The following ABRAXAS1 variants were observed in gnomAD, a reference collection of about 807,000 sequenced individuals.
ABRAXAS1 encodes the protein BRCA1-A complex subunit Abraxas 1.
Under a neutral mutation model 38.4 loss-of-function variants are expected in ABRAXAS1, and 26 were observed. The ratio of observed to expected loss-of-function variants is 0.68; its 90% confidence interval spans 0.50 to 0.94. The LOEUF (loss-of-function observed/expected upper bound fraction) is 0.94, where lower values mean the gene tolerates loss of function less well. Ranked by LOEUF, ABRAXAS1 falls within the 40% of genes least tolerant of loss-of-function variation. The pLI is 0.00. For missense variants in ABRAXAS1, 438 were observed against 481.9 expected (o/e 0.91, Z 0.85); for synonymous variants, 144 against 165.5 (o/e 0.87, Z 1.00).
At chr4:83,484,740 G>A in intron 1 of ABRAXAS1, 2 of 385,908 alleles carry the variant, frequency 5.2e-6, no homozygotes, top group South Asian at 1.2e-4. Flanking sequence ...GGAGCGTGTG[G>A]GACACTTGGG....
intron 2 of ABRAXAS1, chr4:83,477,779 T>C (rs1016111994): frequency 2.8e-6 from 2 of 724,600 alleles, no homozygotes; most frequent in African/African-American, 3.5e-5. Context: ...TGCTCCTGTT[T>C]TGCAAAGACA....
At position 83,470,315 on chromosome 4, in the gene ABRAXAS1, G is replaced by A. The variant is rs137876115; in HGVS notation, c.364C>T (p.Gln122Ter). 82 of 1,613,710 alleles carry A rather than the reference G, an allele frequency of 5.1e-5. No individual in the cohort carries two copies. Among genetic ancestry groups the A allele is most frequent in the Non-Finnish European group, 6.9e-5 (81 of 1,179,832 alleles). Residue 122 changes from glutamine to a stop codon, truncating the protein, a stop_gained, in exon 5 of 9, where the codon CAG becomes TAG. Transcript: ENST00000321945. LOFTEE classifies it high-confidence loss of function. ...FRERLLHKNL[Q>*]EHFSNQDLVF... ...AGGTCTTGGTTTGAAAAATGCTCCT[G>A]CAAGTTTTTGTGAAGCAGCCTCTCT...
chr4:83,471,454 C>G (rs1053434467), intron 4 of ABRAXAS1, among the ~76,000 whole-genome samples: 1 of 151,906 alleles, frequency 6.6e-6, no homozygotes, highest in South Asian at 2.1e-4. Flanking sequence ...GTGATCCGCC[C>G]TCCGCAGCCT....
intron 3 of ABRAXAS1, among the ~76,000 whole-genome samples, chr4:83,473,651 TG>T (rs1722662390): frequency 6.6e-6 from 1 of 151,872 alleles, no homozygotes; most frequent in Non-Finnish European, 1.5e-5. Flanking sequence ...TCCCTAGTAA[TG>T]GGGACTACAG....
chr4:83,478,112 A>G, intron 2 of ABRAXAS1: 1 of 818,880 alleles, frequency 1.2e-6, no homozygotes, highest in Non-Finnish European at 2.1e-6. Context: ...TGATTTTACT[A>G]AGAAGCACTT....
chr4:83,484,802 A>C, intron 1 of ABRAXAS1, 184 bp downstream of exon 1: 2 of 471,054 alleles, frequency 4.2e-6, no homozygotes, highest in East Asian at 7.1e-5. Context: ...ATGCTGGAGA[A>C]GACTTCGTGG....
chr4:83,476,437 A>G (rs17352803), intron 3 of ABRAXAS1, among the ~76,000 whole-genome samples: 1 of 152,004 alleles, frequency 6.6e-6, no homozygotes, highest in African/African-American at 2.4e-5. Flanking sequence ...GAAGATCAGC[A>G]TTAAGTAATA....
intron 1 of ABRAXAS1, chr4:83,484,194 A>C: frequency 2.0e-6 from 2 of 985,160 alleles, no homozygotes; most frequent in Non-Finnish European, 2.4e-6. Flanking sequence ...TGAGTAAAAT[A>C]GACGTTATAT....
At chr4:83,468,699 C>T (rs1363074109) in intron 6 of ABRAXAS1, among the ~76,000 whole-genome samples, 1 of 152,086 alleles carries the variant, frequency 6.6e-6, no homozygotes, top group Non-Finnish European at 1.5e-5. Flanking sequence ...CCTCCCAGTA[C>T]TATTTTTTTA....
In ABRAXAS1 at chr4:83,462,804, T is replaced by C. The variant is rs143012786; in HGVS notation, c.895A>G (p.Met299Val). 6.2e-7 allele frequency: 1 copy of C among 1,613,486 alleles called. No homozygotes were observed. Among genetic ancestry groups the C allele is most frequent in the Non-Finnish European group, 8.5e-7 (1 of 1,179,794 alleles). The change falls in exon 9 of 9, where the codon ATG becomes GTG. Residue 299 changes from methionine to valine, a missense_variant. Physicochemically the swap from Met to Val is conservative, Grantham distance 21 (BLOSUM62 1). This residue lies in a region of ABRAXAS1 where 184 missense variants were observed against 181.9 expected (regional missense o/e 1.01). Coordinates refer to ENST00000321945, the MANE Select transcript of ABRAXAS1 (RefSeq NM_139076.3). ...PNSEFLHSCV[M>V]SLKNRHVSKS... ...GAAACATGTCTATTTTTTAAAGACA[T>C]AACACATGAATGAAGAAATTCAGAA...
In ABRAXAS1 at chr4:83,477,383, AAAACTC is replaced by A. The variant is rs1182173505; in HGVS notation, c.179-710_179-705del. 2.8e-5 allele frequency: 5 copies of A among 181,414 alleles called. No homozygotes were observed. In the East Asian group the frequency reaches 8.1e-4, roughly 29 times the overall value. 11.2% of individuals were successfully genotyped at this position (181,414 alleles called of 1,614,324 possible). On this transcript the variant is annotated intron_variant, in intron 2 of 8. Coordinates refer to ENST00000321945, the MANE Select transcript of ABRAXAS1 (RefSeq NM_139076.3). ...GTATTGCTATAAAGGGCTTGCTTTTAAAACTCAAGTGTCCGAACCAAAAAAAAAAAC... is the reference window on the plus strand; with the variant it reads ...GTATTGCTATAAAGGGCTTGCTTTTAAAGTGTCCGAACCAAAAAAAAAAAC...
At chr4:83,469,647 T>C (rs1722507431) in intron 5 of ABRAXAS1, 1 of 158,908 alleles carries the variant, frequency 6.3e-6, no homozygotes. Flanking sequence ...AAAAACAGTT[T>C]AATGGCTCTT....
At chr4:83,469,417 A>G in intron 5 of ABRAXAS1, 1 of 319,928 alleles carries the variant, frequency 3.1e-6, no homozygotes, top group East Asian at 5.9e-5. Flanking sequence ...CCCGTGCTCA[A>G]GCAATCCTCT....
At chr4:83,466,125 A>G (rs1722343352) in intron 7 of ABRAXAS1, among the ~76,000 whole-genome samples, 1 of 152,140 alleles carries the variant, frequency 6.6e-6, no homozygotes, top group African/African-American at 2.4e-5. Flanking sequence ...AAGACTCCCT[A>G]TCAGCCTAGT....
chr4:83,483,121 TCA>T (rs1211747426), intron 1 of ABRAXAS1, among the ~76,000 whole-genome samples: 1 of 152,162 alleles, frequency 6.6e-6, no homozygotes, highest in Non-Finnish European at 1.5e-5. Context: ...AAATTCAATT[TCA>T]GAGTCTGCTT....
rs1408015773 is a variant in ABRAXAS1, at chr4:83,460,913, A to C, written c.*1556T>G. ...ACAGGGAGACTCCATCTCAAAAAAA[A>C]AAATTGCAAACTTTAAATATTGACA... On this transcript the variant is annotated 3_prime_UTR_variant, in exon 9 of 9. Transcript: ENST00000321945. 2 of 1,517,768 alleles carry C rather than the reference A, an allele frequency of 1.3e-6. No individual in the cohort carries two copies. The highest frequency in any genetic ancestry group is 2.3e-5 in the East Asian group (1 of 44,322). The allele number at this position is 1,517,768 out of a possible 1,614,324, so 94.0% of individuals were successfully genotyped here.
At chr4:83,480,287 G>C (rs1048888195) in intron 2 of ABRAXAS1, 4 of 358,388 alleles carry the variant, frequency 1.1e-5, no homozygotes, top group African/African-American at 6.6e-5. Context: ...CAGGAGAATC[G>C]CTTGACCTCG....
At position 83,461,241 on chromosome 4, in the gene ABRAXAS1, G is replaced by A. The variant is rs767501934; in HGVS notation, c.*1228C>T. 6.4e-7 allele frequency: 1 copy of A among 1,560,088 alleles called. No homozygotes were observed. The highest frequency in any genetic ancestry group is 1.7e-5 in the Admixed American group (1 of 59,912). Reference sequence around the variant, plus strand: ...TAATAAACTTATTTTACAGTAAGTGGTTGTATGATGCCAATACTGACTCAA... The same window carrying A: ...TAATAAACTTATTTTACAGTAAGTGATTGTATGATGCCAATACTGACTCAA... On this transcript the variant is annotated 3_prime_UTR_variant, in exon 9 of 9. Coordinates refer to ENST00000321945, the MANE Select transcript of ABRAXAS1 (RefSeq NM_139076.3).
At chr4:83,471,011 T>A (rs957246123) in intron 4 of ABRAXAS1, among the ~76,000 whole-genome samples, 1 of 152,144 alleles carries the variant, frequency 6.6e-6, no homozygotes, top group Non-Finnish European at 1.5e-5. Flanking sequence ...CCAATCACTT[T>A]GCTTAGAGAT....
Sources: gnomAD v4.1 joint callset for allele counts (sites outside exome capture counted in the v4.1 genomes callset) on GRCh38, gnomAD v4.1.1 for gene constraint, gnomAD v4.1.1 regional missense constraint, MANE v1.5 for transcripts, NCBI Gene and HGNC (gene_info 2026-07-23, HGNC 2026-07-21) for gene names.